The following DNAH5 variants were observed in gnomAD, a reference collection of about 807,000 sequenced individuals.
DNAH5 encodes dynein axonemal heavy chain 5.
Under a neutral mutation model 518.2 loss-of-function variants are expected in DNAH5, and 372 were observed. The observed-to-expected ratio is 0.72, with a 90% CI of 0.66 to 0.78. The LOEUF (loss-of-function observed/expected upper bound fraction) is 0.78, where lower values mean the gene tolerates loss of function less well. Ranked by LOEUF, DNAH5 falls within the 30% of genes least tolerant of loss-of-function variation. DNAH5 has a pLI of 0.00. For synonymous variants in DNAH5, 2,039 were observed against 2,025.9 expected (o/e 1.01, Z -0.17); for missense variants, 5,523 against 5,687.0 (o/e 0.97, Z 0.93).
chr5:13,987,704 A>T (rs1581118627), intron 1 of DNAH5, among the ~76,000 whole-genome samples: 2 of 152,034 alleles, frequency 1.3e-5, no homozygotes, highest in Middle Eastern at 6.8e-3. Context: ...AATACAAAAA[A>T]TTAGCCAGGC....
At chr5:13,816,762 C>T (rs1761504466) in intron 42 of DNAH5, among the ~76,000 whole-genome samples, 2 of 152,040 alleles carry the variant, frequency 1.3e-5, no homozygotes, top group African/African-American at 2.4e-5. Flanking sequence ...TTATTAAATG[C>T]GAGCGTCAAT....
chr5:14,011,691 G>T (rs1290925927), exon 1 of DNAH5, among the ~76,000 whole-genome samples: 1 of 152,136 alleles, frequency 6.6e-6, no homozygotes, highest in Non-Finnish European at 1.5e-5. Flanking sequence ...GCTGGGACTC[G>T]TAGCGCTCCC....
At chr5:13,695,616 A>G (rs893078265) in intron 78 of DNAH5, among the ~76,000 whole-genome samples, 1 of 152,204 alleles carries the variant, frequency 6.6e-6, no homozygotes, top group African/African-American at 2.4e-5. Context: ...GTAGCCAGGA[A>G]TCATGGGCAA....
intron 38 of DNAH5, among the ~76,000 whole-genome samples, chr5:13,824,934 T>G (rs1256063820): frequency 6.6e-6 from 1 of 152,136 alleles, no homozygotes; most frequent in African/African-American, 2.4e-5. Flanking sequence ...ATAAAGTGAA[T>G]AATCAAAATT....
rs765047320 is a variant in DNAH5 at position 13,701,443 on chromosome 5, T to C, written c.13339-7A>G. The stretch of plus-strand genomic sequence containing the variant: ...TACTAGAAATCCAAGAAGCCTGCAA[T>C]GAAGACATTAAAACAATTAATTGAT... On this transcript the variant is annotated splice_region_variant and splice_polypyrimidine_tract_variant and intron_variant, in intron 76 of 78. Transcript: ENST00000265104. The C allele has an allele frequency of 6.2e-6, 10 of 1,606,220 alleles. No individual in the cohort carries two copies. Among genetic ancestry groups the C allele is most frequent in the Non-Finnish European group, 8.5e-6 (10 of 1,173,278 alleles).
chr5:14,006,309 T>C (rs1413444065), intron 1 of DNAH5, among the ~76,000 whole-genome samples: 3 of 152,190 alleles, frequency 2.0e-5, no homozygotes, highest in Non-Finnish European at 2.9e-5. Flanking sequence ...TGAGATGAAC[T>C]AGGCAAACTG....
chr5:13,824,680 A>C (rs1199124091), intron 38 of DNAH5, among the ~76,000 whole-genome samples: 1 of 152,166 alleles, frequency 6.6e-6, no homozygotes, highest in Non-Finnish European at 1.5e-5. Context: ...TCATATCTCT[A>C]CAGTTAAAAT....
chr5:13,919,751 C>T (rs1427344105), intron 6 of DNAH5, among the ~76,000 whole-genome samples: 1 of 152,114 alleles, frequency 6.6e-6, no homozygotes, highest in Non-Finnish European at 1.5e-5. Context: ...ACCTTGAGTA[C>T]TTATCATTTC....
At chr5:13,965,552 T>C (rs1436680688) in intron 1 of DNAH5, among the ~76,000 whole-genome samples, 1 of 152,194 alleles carries the variant, frequency 6.6e-6, no homozygotes, top group African/African-American at 2.4e-5. Context: ...GTTTAAGGCA[T>C]TATTTGGCAG....
At chr5:13,754,432 C>A in intron 61 of DNAH5, 94 bp from the exon 62 acceptor site, 2 of 1,390,096 alleles carry the variant, frequency 1.4e-6, no homozygotes, top group East Asian at 2.3e-5. Flanking sequence ...TATTATCTGC[C>A]TTCCTGAGAC....
At chr5:13,767,235 G>A (rs6863579) in intron 58 of DNAH5, among the ~76,000 whole-genome samples, 42,858 of 151,878 alleles carry the variant, frequency 0.28, 6,441 homozygotes, top group South Asian at 0.41. Flanking sequence ...AGTGATTCTC[G>A]TGCCTCAGCC....
At chr5:13,804,291 A>G (rs1037343840) in intron 47 of DNAH5, among the ~76,000 whole-genome samples, 4 of 152,246 alleles carry the variant, frequency 2.6e-5, no homozygotes, top group African/African-American at 9.6e-5. Context: ...AGTCCCCTCT[A>G]CTGATGAAAG....
intron 1 of DNAH5, among the ~76,000 whole-genome samples, chr5:13,989,798 T>C (rs1359609540): frequency 6.6e-6 from 1 of 152,058 alleles, no homozygotes; most frequent in Non-Finnish European, 1.5e-5. Context: ...AGACTATTAA[T>C]AGTGATTAAT....
intron 38 of DNAH5, 130 bp from the exon 39 acceptor site, chr5:13,824,463 C>A (rs777823140): frequency 9.4e-6 from 8 of 850,962 alleles, no homozygotes; most frequent in Non-Finnish European, 1.3e-5. Context: ...TGCATACACA[C>A]AATGGGGTAA....
At chr5:13,760,711 T>C (rs1751653395) in intron 60 of DNAH5, among the ~76,000 whole-genome samples, 1 of 152,182 alleles carries the variant, frequency 6.6e-6, no homozygotes, top group Non-Finnish European at 1.5e-5. Context: ...CCTCAGTGTG[T>C]CCATTACTAA....
chr5:13,764,105 T>C (rs532636179), intron 59 of DNAH5, among the ~76,000 whole-genome samples: 4 of 152,080 alleles, frequency 2.6e-5, no homozygotes, highest in Non-Finnish European at 5.9e-5. Context: ...GAAATAGAGG[T>C]GGACTGGGTA....
chr5:13,736,369 C>T (rs532033444), intron 66 of DNAH5, among the ~76,000 whole-genome samples: 101 of 152,136 alleles, frequency 6.6e-4, no homozygotes, highest in African/African-American at 2.4e-3. Context: ...GCTTCTGCCT[C>T]TCTAACAATA....
At chr5:13,808,908 C>A (rs1760117761) in intron 46 of DNAH5, 136 bp downstream of exon 46, 1 of 1,009,532 alleles carries the variant, frequency 9.9e-7, no homozygotes, top group Non-Finnish European at 1.5e-6. Flanking sequence ...TGCAGTGAGC[C>A]GAGATCGCGC....
At chr5:13,718,764 G>T in intron 72 of DNAH5, 118 bp downstream of exon 72, 1 of 847,908 alleles carries the variant, frequency 1.2e-6, no homozygotes, top group Non-Finnish European at 2.0e-6. Flanking sequence ...CTCCCCATCA[G>T]GTTAAACAGT....
Sources: allele counts gnomAD v4.1 joint callset (sites outside exome capture counted in the v4.1 genomes callset), GRCh38; gene constraint gnomAD v4.1.1; transcripts MANE v1.5; gene names NCBI Gene and HGNC (gene_info 2026-07-23, HGNC 2026-07-21).